The following CACHD1 variants were observed in gnomAD, a reference collection of about 807,000 sequenced individuals.
CACHD1 encodes cache domain containing 1, also known as VWFA and cache domain-containing protein 1.
In CACHD1, 71 loss-of-function variants were observed where a neutral mutation model predicts 138.7. That is an observed-to-expected ratio of 0.51 (90% CI 0.42 to 0.62). The LOEUF is 0.62. CACHD1 is among the 20% of genes least tolerant of loss of function. The pLI is 0.00. For synonymous variants in CACHD1, 578 were observed against 591.5 expected (o/e 0.98, Z 0.33); for missense variants, 1,389 against 1,625.3 (o/e 0.85, Z 2.50).
intron 4 of CACHD1, among the ~76,000 whole-genome samples, chr1:64,624,994 G>A (rs376996133): frequency 8.5e-5 from 13 of 152,170 alleles, no homozygotes; most frequent in African/African-American, 3.1e-4. Flanking sequence ...ATTTACAAAT[G>A]TCTATGTCTG....
intron 1 of CACHD1, among the ~76,000 whole-genome samples, chr1:64,482,888 C>T (rs148071967): frequency 6.6e-6 from 1 of 152,304 alleles, no homozygotes; most frequent in Non-Finnish European, 1.5e-5. Flanking sequence ...GGAAAGAACA[C>T]AGACTTACTC....
At chr1:64,558,659 G>T (rs1360408159) in intron 2 of CACHD1, among the ~76,000 whole-genome samples, 1 of 152,130 alleles carries the variant, frequency 6.6e-6, no homozygotes, top group East Asian at 1.9e-4. Flanking sequence ...GGATCTAATT[G>T]AAGGTAAGAG....
intron 3 of CACHD1, among the ~76,000 whole-genome samples, chr1:64,589,696 G>C (rs1471679498): frequency 6.6e-6 from 1 of 151,994 alleles, no homozygotes; most frequent in African/African-American, 2.4e-5. Flanking sequence ...AATTGATGAG[G>C]CCCACTGATG....
chr1:64,586,489 G>A (rs572782648), intron 3 of CACHD1, among the ~76,000 whole-genome samples: 4 of 151,652 alleles, frequency 2.6e-5, no homozygotes, highest in Non-Finnish European at 5.9e-5. Context: ...AGCAGTCTAA[G>A]GATGTGGTTA....
chr1:64,575,817 T>C (rs890273641), intron 2 of CACHD1, among the ~76,000 whole-genome samples: 5 of 152,196 alleles, frequency 3.3e-5, no homozygotes, highest in African/African-American at 1.2e-4. Flanking sequence ...CTTTTACCTT[T>C]TTCTAACTAT....
At chr1:64,645,289 G>A (rs566341478) in intron 8 of CACHD1, among the ~76,000 whole-genome samples, 6 of 152,082 alleles carry the variant, frequency 3.9e-5, no homozygotes, top group African/African-American at 1.4e-4. Flanking sequence ...GTAGTCAATA[G>A]TAATTTATTA....
At chr1:64,497,491 G>C (rs1417254030) in intron 1 of CACHD1, among the ~76,000 whole-genome samples, 1 of 152,094 alleles carries the variant, frequency 6.6e-6, no homozygotes, top group African/African-American at 2.4e-5. Context: ...GAAAGAATTA[G>C]GAGATTTCAA....
intron 1 of CACHD1, among the ~76,000 whole-genome samples, chr1:64,487,574 T>C (rs1011671391): frequency 6.6e-6 from 1 of 152,176 alleles, no homozygotes; most frequent in African/African-American, 2.4e-5. Flanking sequence ...GGCAGTAGAC[T>C]ACAGGGAATG....
chr1:64,683,242 A>G (rs1321596599), intron 26 of CACHD1, among the ~76,000 whole-genome samples: 1 of 152,100 alleles, frequency 6.6e-6, no homozygotes, highest in Non-Finnish European at 1.5e-5. Flanking sequence ...CTAAATAGAA[A>G]CTTCAGGTTT....
intron 1 of CACHD1, among the ~76,000 whole-genome samples, chr1:64,545,341 C>T (rs1031271258): frequency 6.6e-5 from 10 of 152,178 alleles, no homozygotes; most frequent in Admixed American, 3.3e-4. Context: ...ATGTCAGCAT[C>T]CCGGAAGCTC....
chr1:64,638,308 T>C (rs2100652919), intron 7 of CACHD1, among the ~76,000 whole-genome samples: 1 of 152,364 alleles, frequency 6.6e-6, no homozygotes, highest in Middle Eastern at 3.4e-3. Context: ...GTGAGGTTAT[T>C]CAAATAATAA....
intron 4 of CACHD1, among the ~76,000 whole-genome samples, chr1:64,606,106 A>AACACACACACACACACACACACACACAC (rs112089755): frequency 4.7e-5 from 7 of 148,940 alleles, no homozygotes; most frequent in Non-Finnish European, 8.9e-5. Flanking sequence ...AGGAGCTGTA[A>AACACACACACACACACACACACACACAC]ACACACACAC....
intron 3 of CACHD1, among the ~76,000 whole-genome samples, chr1:64,585,462 A>G (rs1233285688): frequency 6.6e-6 from 1 of 152,240 alleles, no homozygotes; most frequent in Non-Finnish European, 1.5e-5. Flanking sequence ...CTGTACCCCT[A>G]GAAAAATACA....
intron 19 of CACHD1, among the ~76,000 whole-genome samples, chr1:64,674,696 A>G (rs899846502): frequency 2.6e-5 from 4 of 152,214 alleles, no homozygotes; most frequent in African/African-American, 9.7e-5. Flanking sequence ...GAATGGCATG[A>G]AACAAGCTTG....
intron 26 of CACHD1, among the ~76,000 whole-genome samples, chr1:64,686,689 G>A (rs1005801811): frequency 6.6e-6 from 1 of 152,130 alleles, no homozygotes; most frequent in African/African-American, 2.4e-5. Context: ...TACGTTATTT[G>A]TTCCTTGTGA....
intron 1 of CACHD1, among the ~76,000 whole-genome samples, chr1:64,538,701 GAA>G (rs747015037): frequency 1.3e-5 from 2 of 152,252 alleles, no homozygotes; most frequent in East Asian, 3.9e-4. Flanking sequence ...TGATTGTACT[GAA>G]AAAGTATTTA....
chr1:64,475,800 G>T (rs991792915), intron 1 of CACHD1, among the ~76,000 whole-genome samples: 1 of 152,010 alleles, frequency 6.6e-6, no homozygotes, highest in Non-Finnish European at 1.5e-5. Flanking sequence ...CACCCGCCTC[G>T]GCCTCCCAAA....
intron 2 of CACHD1, chr1:64,563,882 T>C (rs751982528): frequency 1.2e-4 from 18 of 152,120 alleles, no homozygotes; most frequent in Non-Finnish European, 2.5e-4. Flanking sequence ...ATTTTATCTA[T>C]AAAATGTAGA....
chr1:64,566,488 C>G (rs866588125), intron 2 of CACHD1, among the ~76,000 whole-genome samples: 2 of 144,688 alleles, frequency 1.4e-5, no homozygotes, highest in African/African-American at 2.4e-5. Flanking sequence ...TTCCCCCCCC[C>G]CCACAAGGTA....
Sources: allele counts gnomAD v4.1 joint callset (sites outside exome capture counted in the v4.1 genomes callset), GRCh38; gene constraint gnomAD v4.1.1; transcripts MANE v1.5; gene names NCBI Gene and HGNC (gene_info 2026-07-23, HGNC 2026-07-21).